Variants in TRPM5 observed in about 807,000 individuals in gnomAD.
TRPM5 encodes transient receptor potential cation channel subfamily M member 5.
A neutral mutation model predicts 124.9 loss-of-function variants in TRPM5; 121 were observed. That is an observed-to-expected ratio of 0.97 (90% CI 0.84 to 1.13). TRPM5 has a LOEUF of 1.13. TRPM5 is among the 50% of genes most tolerant of loss of function. TRPM5 has a pLI of 0.00. For synonymous variants in TRPM5, 781 were observed against 700.5 expected (o/e 1.11, Z -1.81); for missense variants, 1,643 against 1,589.1 (o/e 1.03, Z -0.58).
At chr11:2,442,858 C>A in the TRPM5 span, among the ~76,000 whole-genome samples, 11 of 152,288 alleles carry the variant, frequency 7.2e-5, no homozygotes, top group South Asian at 1.0e-3. This position sits in a 1 kb window ranked among gnomAD's most constrained non-coding sequence, Gnocchi z 5.9. Context: ...AGGTCATGAA[C>A]CCCATTTCCT....
At chr11:2,413,496 A>G in exon 13 of TRPM5, 1 of 1,611,880 alleles carries the variant, frequency 6.2e-7, no homozygotes, top group Non-Finnish European at 8.5e-7. Context: ...TGAGGTTGGT[A>G]TAGACGAGGG....
chr11:2,410,670 C>G (rs923943250), intron 18 of TRPM5: 8 of 454,672 alleles, frequency 1.8e-5, no homozygotes, highest in Admixed American at 1.7e-4. Context: ...CCGCCCCCTC[C>G]CCACTGCACT....
At chr11:2,429,448 T>G in the TRPM5 span, among the ~76,000 whole-genome samples, 3 of 149,452 alleles carry the variant, frequency 2.0e-5, no homozygotes, top group Non-Finnish European at 4.4e-5. The surrounding 1 kb of genome is among the most constrained non-coding windows in gnomAD (Gnocchi z 8.4). Context: ...TGTGGTGATG[T>G]TGGTGATGGT....
At chr11:2,411,696 A>G in exon 17 of TRPM5, 1 of 1,612,760 alleles carries the variant, frequency 6.2e-7, no homozygotes, top group Non-Finnish European at 8.5e-7. Context: ...GATATGGATC[A>G]GCCGCAGCGT....
In TRPM5 at chr11:2,417,709, C is replaced by T; in HGVS notation, c.1009+18G>A. 5 of 912,366 alleles carry T rather than the reference C, an allele frequency of 5.5e-6. No individual in the cohort carries two copies. Among genetic ancestry groups the T allele is most frequent in the Non-Finnish European group, 8.7e-6 (5 of 574,092 alleles). The allele number at this position is 912,366 out of a possible 1,614,324, so 56.5% of individuals were successfully genotyped here. ...GCCCCCCAATGGCGCCTGCCTTGCC[C>T]ACCCTGCCCGCCCTCACCTTTCACC... On this transcript the variant is annotated intron_variant, in intron 7 of 23. Coordinates refer to ENST00000155858, the Ensembl canonical transcript of TRPM5.
upstream of TRPM5, among the ~76,000 whole-genome samples, chr11:2,427,061 A>G (rs560786578): frequency 6.6e-6 from 1 of 152,212 alleles, no homozygotes; most frequent in South Asian, 2.1e-4. Flanking sequence ...CCTCCTGCCC[A>G]GACCCTCTTC....
chr11:2,414,330 G>A (rs1461483837), intron 11 of TRPM5, 124 bp from the exon 17 acceptor site: 1 of 1,358,114 alleles, frequency 7.4e-7, no homozygotes, highest in South Asian at 1.5e-5. Context: ...AACACGCAGG[G>A]CCCAGCCAGG....
upstream of TRPM5, among the ~76,000 whole-genome samples, chr11:2,425,629 A>AGTCCTCACCCTGGGCGGGG (rs139938211): frequency 0.59 from 89,339 of 150,652 alleles, 26,819 homozygotes; most frequent in Admixed American, 0.69. Context: ...CCTGGGCGGG[A>AGTCCTCACCCTGGGCGGGG]GTCCTCACCC....
the TRPM5 span, among the ~76,000 whole-genome samples, chr11:2,440,979 G>C: frequency 6.6e-6 from 1 of 152,222 alleles, no homozygotes; most frequent in Non-Finnish European, 1.5e-5. This position sits in a 1 kb window ranked among gnomAD's most constrained non-coding sequence, Gnocchi z 5.2. Flanking sequence ...CCCTGCTGGA[G>C]GAACATGAGG....
chr11:2,434,205 C>A, the TRPM5 span, among the ~76,000 whole-genome samples: 1 of 148,030 alleles, frequency 6.8e-6, no homozygotes, highest in East Asian at 2.1e-4. Flanking sequence ...TGTATGTGCA[C>A]CATGTGTGTC....
At chr11:2,411,888 A>G in intron 16 of TRPM5, 121 bp from the exon 22 acceptor site, 1 of 1,238,068 alleles carries the variant, frequency 8.1e-7, no homozygotes, top group African/African-American at 1.5e-5. Context: ...TTGGGCCCTG[A>G]GTGGCTTCAT....
At chr11:2,415,989 G>A (rs1235104496) in exon 8 of TRPM5, 1 of 1,589,190 alleles carries the variant, frequency 6.3e-7, no homozygotes, top group South Asian at 1.1e-5. Flanking sequence ...AGCTCATCCA[G>A]ATAGTCCTGA....
chr11:2,415,818 A>C (rs960409998), intron 8 of TRPM5, 88 bp downstream of exon 13: 11 of 1,011,876 alleles, frequency 1.1e-5, no homozygotes, highest in Non-Finnish European at 1.6e-5. Context: ...GGGCTCAGCC[A>C]AGCAGCCCAC....
the TRPM5 span, among the ~76,000 whole-genome samples, chr11:2,438,165 A>G: frequency 1.3e-5 from 2 of 152,236 alleles, no homozygotes; most frequent in Non-Finnish European, 2.9e-5. This position sits in a 1 kb window ranked among gnomAD's most constrained non-coding sequence, Gnocchi z 5.9. Context: ...GCAACAAACT[A>G]GCCATCAAAG....
chr11:2,440,648 C>A, the TRPM5 span, among the ~76,000 whole-genome samples: 1 of 152,186 alleles, frequency 6.6e-6, no homozygotes, highest in African/African-American at 2.4e-5. The surrounding 1 kb of genome is among the most constrained non-coding windows in gnomAD (Gnocchi z 5.2). Flanking sequence ...GTGCCCCCTT[C>A]GTTTTTTTTG....
rs550834560 is a variant in TRPM5 at position 2,409,462 on chromosome 11, C to T, written c.2783-1550G>A. On this transcript the variant is annotated intron_variant, in intron 18 of 23. Transcript: ENST00000155858. ...GCTGGAAATTAAATTGTCCCTGGGG[C>T]CTGGAGACCCAGAGAACAAGCTCGT... 1.1e-3 allele frequency among the ~76,000 whole-genome samples: 172 copies of T among 152,334 alleles called. 2 individuals are homozygous for T. Among genetic ancestry groups the T allele is most frequent in the African/African-American group, 3.8e-3 (160 of 41,574 alleles).
At chr11:2,423,033 G>T (rs779380739) in exon 1 of TRPM5, 2 of 1,610,556 alleles carry the variant, frequency 1.2e-6, no homozygotes, top group East Asian at 4.5e-5. Context: ...TGGACATCCT[G>T]CATGGTGGCC....
intron 5 of TRPM5, 42 bp from the exon 11 acceptor site, chr11:2,418,400 C>A: frequency 6.5e-7 from 1 of 1,530,228 alleles, no homozygotes; most frequent in Non-Finnish European, 8.8e-7. Flanking sequence ...CAGATTAGCC[C>A]GACGACATCT....
chr11:2,412,972 G>GGTC, exon 15 of TRPM5: 1 of 1,606,020 alleles, frequency 6.2e-7, no homozygotes, highest in Non-Finnish European at 8.5e-7. Context: ...CGTGGGCCTC[G>GGTC]GTCACCCTGA....
Sources: gnomAD v4.1 joint callset for allele counts (sites outside exome capture counted in the v4.1 genomes callset) on GRCh38, gnomAD v4.1.1 for gene constraint, Gnocchi (gnomAD v3.1) non-coding constraint, MANE v1.5 for transcripts, NCBI Gene and HGNC (gene_info 2026-07-23, HGNC 2026-07-21) for gene names.